The following CHRM2 variants were observed in gnomAD, a reference collection of about 807,000 sequenced individuals.
CHRM2 encodes the protein muscarinic acetylcholine receptor M2.
A neutral mutation model predicts 25.0 loss-of-function variants in CHRM2; 8 were observed. That is an observed-to-expected ratio of 0.32 (90% CI 0.19 to 0.58). The LOEUF (loss-of-function observed/expected upper bound fraction) is 0.58. Among genes scored for constraint, CHRM2 ranks in the 20% least tolerant of loss-of-function variants. CHRM2 has a pLI of 0.88. For synonymous variants in CHRM2, 202 were observed against 205.7 expected (o/e 0.98, Z 0.15); for missense variants, 440 against 567.1 (o/e 0.78, Z 2.28).
At chr7:137,006,643 T>C (rs1043967436) in intron 3 of CHRM2, among the ~76,000 whole-genome samples, 4 of 152,106 alleles carry the variant, frequency 2.6e-5, no homozygotes, top group Non-Finnish European at 5.9e-5. Context: ...TTCTATAATT[T>C]TCTTTTACAT....
chr7:137,003,412 A>G (rs1206611768), intron 3 of CHRM2, among the ~76,000 whole-genome samples: 2 of 150,986 alleles, frequency 1.3e-5, no homozygotes, highest in Admixed American at 6.6e-5. Context: ...TTTTCTTCTT[A>G]TATGTTATTA....
intron 2 of CHRM2, among the ~76,000 whole-genome samples, chr7:136,918,210 G>A (rs1798229747): frequency 6.6e-6 from 1 of 151,970 alleles, no homozygotes; most frequent in Non-Finnish European, 1.5e-5. Flanking sequence ...GGTTTCTCAA[G>A]CTAATGAATT....
chr7:136,917,837 G>A (rs927886721), intron 2 of CHRM2, among the ~76,000 whole-genome samples: 2 of 152,144 alleles, frequency 1.3e-5, no homozygotes, highest in East Asian at 3.9e-4. Flanking sequence ...TAAAGGAGTA[G>A]TTGGAATCTA....
chr7:136,985,441 C>T (rs540602434), intron 2 of CHRM2, among the ~76,000 whole-genome samples: 44 of 131,952 alleles, frequency 3.3e-4, no homozygotes, highest in African/African-American at 1.1e-3. Context: ...ACCCGGCAGG[C>T]GAAGGTTGCA....
chr7:136,993,396 T>C (rs1241116414), intron 3 of CHRM2, among the ~76,000 whole-genome samples: 1 of 152,234 alleles, frequency 6.6e-6, no homozygotes, highest in African/African-American at 2.4e-5. Flanking sequence ...TTCTTGTCTA[T>C]AAAAATAGTA....
intron 2 of CHRM2, among the ~76,000 whole-genome samples, chr7:136,914,491 A>G (rs1797999424): frequency 6.6e-6 from 1 of 151,960 alleles, no homozygotes; most frequent in Non-Finnish European, 1.5e-5. Flanking sequence ...AGAATCATGC[A>G]GGAGCATCAT....
chr7:137,013,047 G>T (rs1294499946), intron 3 of CHRM2, among the ~76,000 whole-genome samples: 1 of 151,808 alleles, frequency 6.6e-6, no homozygotes, highest in East Asian at 1.9e-4. Flanking sequence ...TTCTTTGATT[G>T]AACTACTACA....
intron 2 of CHRM2, among the ~76,000 whole-genome samples, chr7:136,962,135 A>C (rs1208935806): frequency 1.6e-5 from 1 of 60,934 alleles, no homozygotes; most frequent in East Asian, 3.1e-4. Flanking sequence ...GGTAACTGGT[A>C]ATTCTGTTTT....
At chr7:136,920,652 A>C (rs1317210192) in intron 2 of CHRM2, among the ~76,000 whole-genome samples, 2 of 152,108 alleles carry the variant, frequency 1.3e-5, no homozygotes, top group Admixed American at 1.3e-4. Flanking sequence ...CCATATTTGC[A>C]TGTTAATTAT....
chr7:136,903,122 T>C (rs768999505), intron 2 of CHRM2: 3 of 533,590 alleles, frequency 5.6e-6, no homozygotes, highest in South Asian at 2.8e-5. Context: ...TGTAGGTTTT[T>C]TATTCTTCAA....
intron 2 of CHRM2, among the ~76,000 whole-genome samples, chr7:136,953,725 A>AT (rs1800551087): frequency 1.2e-5 from 1 of 84,626 alleles, no homozygotes; most frequent in African/African-American, 5.1e-5. Context: ...ATGCCTTAAA[A>AT]TTTAATGAAA....
intron 2 of CHRM2, chr7:136,899,503 A>G (rs1797082848): frequency 6.6e-6 from 1 of 152,254 alleles, no homozygotes; most frequent in African/African-American, 2.4e-5. Context: ...TTTCTAAGGT[A>G]TGTCACAACT....
chr7:136,889,047 CAAAAAAAAAAAAA>C (rs56915229), intron 2 of CHRM2, among the ~76,000 whole-genome samples: 4 of 66,494 alleles, frequency 6.0e-5, no homozygotes, highest in Non-Finnish European at 1.0e-4. Flanking sequence ...GACTACATCT[CAAAAAAAAAAAAA>C]AAAAAAAAAA....
rs138644164 is a variant in CHRM2 at position 136,959,436 on chromosome 7, G to T, written c.-124-32751G>T. 6.9e-4 allele frequency among the ~76,000 whole-genome samples: 105 copies of T among 152,298 alleles called. 1 individual carries two copies. The East Asian group carries it at 0.016, about 23-fold the overall frequency. ...GGTTCCGGTATTGTAGATCCATTAG[G>T]CCCATGCTAGGCTCCATAAGAGTGT... On this transcript the variant is annotated intron_variant, in intron 2 of 3. Transcript: ENST00000680005.
chr7:136,885,127 C>T (rs931270038), intron 2 of CHRM2, among the ~76,000 whole-genome samples: 2 of 152,168 alleles, frequency 1.3e-5, no homozygotes, highest in African/African-American at 2.4e-5. Context: ...ATGTTTTATT[C>T]ATCTTCATAG....
chr7:136,993,435 T>C (rs1803366817), intron 3 of CHRM2, among the ~76,000 whole-genome samples: 1 of 152,208 alleles, frequency 6.6e-6, no homozygotes, highest in South Asian at 2.1e-4. Flanking sequence ...CAATTGTTTT[T>C]AGATAAACAA....
chr7:136,880,760 A>G (rs1796234403), intron 2 of CHRM2, among the ~76,000 whole-genome samples: 1 of 151,748 alleles, frequency 6.6e-6, no homozygotes, highest in Non-Finnish European at 1.5e-5. Flanking sequence ...AGAGTGATAC[A>G]TTTGTTTCAA....
Position 136,916,834 on chromosome 7 carries a change from T to TTC in CHRM2, c.-125+47436_-125+47437dup, listed in dbSNP as rs35224192. 9.3e-3 allele frequency among the ~76,000 whole-genome samples: 1,390 copies of TTC among 148,740 alleles called. 20 individuals carry two copies. Among genetic ancestry groups the TTC allele is most frequent in the African/African-American group, 0.03 (1,234 of 40,738 alleles). ...ATTTATTCTATCATTCTCCCTCTCT[T>TTC]TCTCTCTCTCTCTCTCTCTCTGTCA... On this transcript the variant is annotated intron_variant, in intron 2 of 3. Transcript: ENST00000680005.
At chr7:136,967,222 T>G (rs1801476286) in intron 2 of CHRM2, among the ~76,000 whole-genome samples, 1 of 151,986 alleles carries the variant, frequency 6.6e-6, no homozygotes, top group Admixed American at 6.6e-5. Flanking sequence ...CAAACCTGAT[T>G]GAGCAATTTT....
Sources: gnomAD v4.1 joint callset for allele counts (sites outside exome capture counted in the v4.1 genomes callset) on GRCh38, gnomAD v4.1.1 for gene constraint, MANE v1.5 for transcripts, NCBI Gene and HGNC (gene_info 2026-07-23, HGNC 2026-07-21) for gene names.